PPP3CC: variants seen among roughly 807,000 people sequenced by gnomAD.
The protein encoded by PPP3CC is protein phosphatase 3 catalytic subunit gamma.
Under a neutral mutation model 60.3 loss-of-function variants are expected in PPP3CC, and 35 were observed. That is an observed-to-expected ratio of 0.58 (90% CI 0.44 to 0.77). PPP3CC has a LOEUF of 0.77. Ranked by LOEUF, PPP3CC falls within the 30% of genes least tolerant of loss-of-function variation. PPP3CC has a pLI of 0.00. For missense variants in PPP3CC, 570 were observed against 628.9 expected, an observed-to-expected ratio of 0.91 and a Z score of 1.00; for synonymous variants, 206 against 224.3, an observed-to-expected ratio of 0.92 and a Z score of 0.73.
chr8:22,441,278 G>T lies in PPP3CC; in HGVS notation c.-132G>T. 3 of 856,260 alleles carry T rather than the reference G, an allele frequency of 3.5e-6. No homozygotes were observed. Among genetic ancestry groups the T allele is most frequent in the South Asian group, 2.1e-5 (1 of 48,366 alleles). 53.0% of individuals were successfully genotyped at this position (856,260 alleles called of 1,614,324 possible). ...CGCGCCCTTCTGGTGCTCGGACACC[G>T]CTGAGGAGCCGGGGCCGGGCACGGC... On this transcript the variant is annotated 5_prime_UTR_variant, in exon 1 of 14. Coordinates refer to ENST00000240139, the MANE Select transcript of PPP3CC (RefSeq NM_005605.5).
intron 6 of PPP3CC, among the ~76,000 whole-genome samples, chr8:22,519,619 T>G (rs1162647487): frequency 6.6e-6 from 1 of 152,180 alleles, no homozygotes; most frequent in Non-Finnish European, 1.5e-5. Flanking sequence ...ACTCTACACT[T>G]TAGTCCCCAT....
At chr8:22,513,972 G>A (rs572855187) in intron 6 of PPP3CC, among the ~76,000 whole-genome samples, 2 of 152,296 alleles carry the variant, frequency 1.3e-5, no homozygotes, top group East Asian at 1.9e-4. Context: ...CAGGCAGGGC[G>A]TGGTGGCTCA....
At chr8:22,446,625 G>A (rs1397383932) in intron 1 of PPP3CC, among the ~76,000 whole-genome samples, 1 of 151,952 alleles carries the variant, frequency 6.6e-6, no homozygotes. Context: ...GGCCAACGTG[G>A]CGAAACCCAG....
At chr8:22,518,756 G>A (rs555961250) in intron 6 of PPP3CC, among the ~76,000 whole-genome samples, 8 of 152,128 alleles carry the variant, frequency 5.3e-5, no homozygotes, top group African/African-American at 1.7e-4. Flanking sequence ...GCGCGACCTC[G>A]GCTCACTGCA....
At chr8:22,525,532 TTCTTTCTCTCCC>T (rs138272010) in intron 8 of PPP3CC, among the ~76,000 whole-genome samples, 23,292 of 107,460 alleles carry the variant, frequency 0.22, 2,085 homozygotes, top group East Asian at 0.31. Context: ...CTTTCTTTCT[TTCTTTCTCTCCC>T]TCTCTCTCTC....
At chr8:22,451,182 C>G (rs1237433290) in intron 1 of PPP3CC, among the ~76,000 whole-genome samples, 1 of 150,692 alleles carries the variant, frequency 6.6e-6, no homozygotes, top group Non-Finnish European at 1.5e-5. Context: ...GTCTCCCAGG[C>G]TGGAGTGCAG....
intron 3 of PPP3CC, among the ~76,000 whole-genome samples, chr8:22,486,357 A>G (rs535824204): frequency 2.8e-4 from 42 of 152,296 alleles, no homozygotes; most frequent in Admixed American, 4.6e-4. Flanking sequence ...GAACTACTCA[A>G]GCCAATCAAT....
rs545910337 is a variant in PPP3CC at position 22,528,549 on chromosome 8, C to T, written c.1113C>T (p.Asp371=). Residue 371 remains aspartate (D), a synonymous_variant, in exon 10 of 14, where the codon GAC becomes GAT. Coordinates refer to ENST00000240139, the MANE Select transcript of PPP3CC (RefSeq NM_005605.5). ...LVNVLNICSD[D]ELISDDEAEG... is the part of the protein sequence containing the mutation. ...ATGTGCTCAACATATGCTCTGATGACGAACTGATTTCTGATGATGAAGCAG... is the reference window on the plus strand; with the variant it reads ...ATGTGCTCAACATATGCTCTGATGATGAACTGATTTCTGATGATGAAGCAG... 7.7e-6 allele frequency: 12 copies of T among 1,563,238 alleles called. No individual in the cohort carries two copies. The highest frequency in any genetic ancestry group is 5.3e-5 in the Admixed American group (3 of 57,098).
At chr8:22,475,351 A>T in intron 2 of PPP3CC, 149 bp from the exon 3 acceptor site, 1 of 1,006,636 alleles carries the variant, frequency 9.9e-7, no homozygotes, top group Non-Finnish European at 1.5e-6. Flanking sequence ...AGAACTATTT[A>T]GTATGAGTAG....
intron 1 of PPP3CC, among the ~76,000 whole-genome samples, chr8:22,457,038 T>TTC (rs1837220074): frequency 2.7e-5 from 2 of 74,692 alleles, no homozygotes; most frequent in Non-Finnish European, 4.8e-5. Context: ...CCTCCCTTCC[T>TTC]CCCTCCCTTC....
At chr8:22,448,167 G>C (rs749120989) in intron 1 of PPP3CC, among the ~76,000 whole-genome samples, 100 of 152,164 alleles carry the variant, frequency 6.6e-4, no homozygotes, top group Non-Finnish European at 1.2e-3. Context: ...CAAGACAGTT[G>C]GCCTGAACTC....
chr8:22,514,106 T>G (rs1390827319), intron 6 of PPP3CC, among the ~76,000 whole-genome samples: 1 of 152,004 alleles, frequency 6.6e-6, no homozygotes, highest in Non-Finnish European at 1.5e-5. Context: ...ATTAGCCAGA[T>G]GTGGTGGCAA....
At chr8:22,504,483 G>A (rs1838852628) in intron 4 of PPP3CC, among the ~76,000 whole-genome samples, 2 of 151,686 alleles carry the variant, frequency 1.3e-5, no homozygotes, top group Admixed American at 6.6e-5. Flanking sequence ...TAAATTTTTT[G>A]TAGAGACTGA....
At chr8:22,488,867 G>A (rs1031202037) in intron 3 of PPP3CC, among the ~76,000 whole-genome samples, 5 of 152,206 alleles carry the variant, frequency 3.3e-5, no homozygotes, top group African/African-American at 9.6e-5. Flanking sequence ...GCAGAAGCAA[G>A]TCTAGGGCAG....
chr8:22,503,143 A>G (rs1054366203), intron 4 of PPP3CC, among the ~76,000 whole-genome samples: 4 of 152,214 alleles, frequency 2.6e-5, no homozygotes, highest in African/African-American at 9.6e-5. Context: ...AGCATTTGAA[A>G]AGCTTTGTAA....
intron 4 of PPP3CC, among the ~76,000 whole-genome samples, chr8:22,510,314 A>G (rs564305407): frequency 6.6e-6 from 1 of 152,348 alleles, no homozygotes; most frequent in South Asian, 2.1e-4. Context: ...CACCAGTTTA[A>G]GCCAAATGTT....
intron 6 of PPP3CC, among the ~76,000 whole-genome samples, chr8:22,514,248 CAAAAAAAAAAAAAAAA>C (rs66505760): frequency 1.3e-4 from 12 of 89,492 alleles, no homozygotes; most frequent in Non-Finnish European, 1.7e-4. Flanking sequence ...ACTCTGTCTC[CAAAAAAAAAAAAAAAA>C]AAAAAAAGGA....
At chr8:22,452,018 G>GTTTT (rs1376787851) in intron 1 of PPP3CC, among the ~76,000 whole-genome samples, 1 of 88,272 alleles carries the variant, frequency 1.1e-5, no homozygotes, top group Non-Finnish European at 2.2e-5. Context: ...TGTGCATAAT[G>GTTTT]GTTTTTTTTT....
At chr8:22,448,410 G>A (rs906586441) in intron 1 of PPP3CC, among the ~76,000 whole-genome samples, 17 of 139,824 alleles carry the variant, frequency 1.2e-4, no homozygotes, top group Middle Eastern at 3.8e-3. Context: ...ATGGAGTTTC[G>A]CTCTTGTTGC....
Sources: gnomAD v4.1 joint callset for allele counts (sites outside exome capture counted in the v4.1 genomes callset) on GRCh38, gnomAD v4.1.1 for gene constraint, MANE v1.5 for transcripts, NCBI Gene and HGNC (gene_info 2026-07-23, HGNC 2026-07-21) for gene names.